The following SH3RF2 variants were observed in gnomAD, a reference collection of about 807,000 sequenced individuals.
The protein encoded by SH3RF2 is SH3 domain containing ring finger 2, also known as E3 ubiquitin-protein ligase SH3RF2.
In SH3RF2, 43 loss-of-function variants were observed where a neutral mutation model predicts 59.0. That is an observed-to-expected ratio of 0.73 (90% CI 0.57 to 0.94). SH3RF2 has a LOEUF of 0.94. SH3RF2 is among the 40% of genes least tolerant of loss of function. SH3RF2 has a pLI of 0.00. For synonymous variants in SH3RF2, 391 were observed against 391.5 expected, an observed-to-expected ratio of 1.00 and a Z score of 0.01; for missense variants, 930 against 940.1, an observed-to-expected ratio of 0.99 and a Z score of 0.14.
At chr5:145,967,840 A>T (rs2149959423) in intron 2 of SH3RF2, among the ~76,000 whole-genome samples, 1 of 152,140 alleles carries the variant, frequency 6.6e-6, no homozygotes. Flanking sequence ...TTATATTTTT[A>T]GTAGAGACAG....
chr5:146,026,864 G>A (rs1761546982), intron 5 of SH3RF2, among the ~76,000 whole-genome samples: 1 of 152,178 alleles, frequency 6.6e-6, no homozygotes, highest in Non-Finnish European at 1.5e-5. Flanking sequence ...TTCATAAGAT[G>A]GCTGCGAGGA....
intron 3 of SH3RF2, among the ~76,000 whole-genome samples, chr5:146,002,268 T>C (rs1048827600): frequency 6.6e-6 from 1 of 152,040 alleles, no homozygotes; most frequent in Non-Finnish European, 1.5e-5. Context: ...CTGGCCAACA[T>C]AGCGAAACCC....
chr5:146,049,127 C>G lies in SH3RF2; in HGVS notation c.1204C>G (p.Gln402Glu). ...SAHGPDELDL[Q>E]KGEGVRVLGK... ...CCATGGACCCGATGAGCTGGACCTG[C>G]AAAAGGGAGAAGGCGTCAGGGTCCT... Residue 402 changes from glutamine (Q) to glutamate (E), a missense_variant, in exon 7 of 10, where the codon CAA becomes GAA. Gln to Glu is a conservative substitution (Grantham distance 29). Transcript: ENST00000359120. 6.2e-7 allele frequency: 1 copy of G among 1,614,158 alleles called. No individual in the cohort carries two copies. Among genetic ancestry groups the G allele is most frequent in the Non-Finnish European group, 8.5e-7 (1 of 1,180,018 alleles).
At chr5:145,937,567 C>A (rs955469506) in intron 1 of SH3RF2, among the ~76,000 whole-genome samples, 5 of 152,108 alleles carry the variant, frequency 3.3e-5, no homozygotes, top group Non-Finnish European at 7.4e-5. Flanking sequence ...TTCAGCAGGC[C>A]AGTTTATCTC....
At chr5:145,964,312 C>CTTTCTTT (rs1554110981) in intron 2 of SH3RF2, among the ~76,000 whole-genome samples, 5 of 111,190 alleles carry the variant, frequency 4.5e-5, no homozygotes, top group Admixed American at 9.2e-5. Context: ...TCCTTTCTTT[C>CTTTCTTT]TTTTTTTTTT....
chr5:145,976,123 A>G (rs1759283939), intron 2 of SH3RF2, among the ~76,000 whole-genome samples: 1 of 152,234 alleles, frequency 6.6e-6, no homozygotes, highest in African/African-American at 2.4e-5. Flanking sequence ...AACAACTACA[A>G]TAGAGAAGCC....
rs375571249 is a variant in SH3RF2, at chr5:145,938,272, G to A, written c.344G>A (p.Arg115Gln). 18 of 1,583,788 alleles carry A rather than the reference G, an allele frequency of 1.1e-5. No homozygotes were observed. The South Asian group carries it at 1.3e-4, about 11-fold the overall frequency. ...AGACGTCTGCAGGCCAGTCCTTTCCGGCTAGTGCCTAATGTCAGAATCCAC... is the reference window on the plus strand; with the variant it reads ...AGACGTCTGCAGGCCAGTCCTTTCCAGCTAGTGCCTAATGTCAGAATCCAC... Reference protein sequence around the residue: ...NPRRLQASPFRLVPNVRIHMD... With the variant: ...NPRRLQASPFQLVPNVRIHMD... The change falls in exon 2 of 10, where the codon CGG becomes CAG. Residue 115 changes from arginine to glutamine, a missense_variant. Transcript: ENST00000359120.
chr5:146,021,197 G>C (rs982316182), intron 5 of SH3RF2, among the ~76,000 whole-genome samples: 6 of 151,672 alleles, frequency 4.0e-5, no homozygotes, highest in Non-Finnish European at 8.8e-5. Context: ...ATGAGAAATG[G>C]TTTACTTAGC....
chr5:146,023,434 C>T (rs2149999166), intron 5 of SH3RF2, among the ~76,000 whole-genome samples: 1 of 152,256 alleles, frequency 6.6e-6, no homozygotes, highest in Admixed American at 6.5e-5. Flanking sequence ...GTCTCAAACT[C>T]CTGGACTCAA....
At chr5:145,991,101 T>C (rs953763959) in intron 2 of SH3RF2, among the ~76,000 whole-genome samples, 2 of 152,124 alleles carry the variant, frequency 1.3e-5, no homozygotes, top group Non-Finnish European at 2.9e-5. Context: ...GAGCCCCAAA[T>C]GAGTTTTATG....
chr5:146,012,158 G>T (rs1474028745), intron 4 of SH3RF2, among the ~76,000 whole-genome samples: 2 of 152,126 alleles, frequency 1.3e-5, no homozygotes, highest in Non-Finnish European at 2.9e-5. Flanking sequence ...TTTGTCGCTG[G>T]TTCTGTTTAT....
downstream of SH3RF2, among the ~76,000 whole-genome samples, chr5:146,064,615 G>GAGAGA (rs1763007079): frequency 1.0e-5 from 1 of 99,946 alleles, no homozygotes; most frequent in African/African-American, 3.8e-5. Context: ...GAGAGAGAGA[G>GAGAGA]GGAGAGAGAG....
intron 7 of SH3RF2, among the ~76,000 whole-genome samples, chr5:146,052,732 G>T (rs930281293): frequency 2.0e-5 from 3 of 152,120 alleles, no homozygotes; most frequent in Non-Finnish European, 4.4e-5. Context: ...TCTGTGTGCA[G>T]GTGACCCTTG....
At chr5:145,990,946 T>A (rs1257359039) in intron 2 of SH3RF2, among the ~76,000 whole-genome samples, 2 of 152,166 alleles carry the variant, frequency 1.3e-5, no homozygotes, top group East Asian at 3.9e-4. Context: ...GAGAGAGCAG[T>A]GGGAGACTGG....
At chr5:146,035,515 G>C (rs1363847324) in intron 5 of SH3RF2, among the ~76,000 whole-genome samples, 11 of 152,122 alleles carry the variant, frequency 7.2e-5, no homozygotes, top group Admixed American at 1.3e-4. Flanking sequence ...AACTTGCCCA[G>C]GGTTACACGG....
intron 5 of SH3RF2, among the ~76,000 whole-genome samples, chr5:146,030,153 C>G (rs145572587): frequency 6.4e-4 from 97 of 152,286 alleles, no homozygotes; most frequent in South Asian, 4.8e-3. Flanking sequence ...GCTCAAGCTG[C>G]CTAACTGAGC....
At position 146,018,023 on chromosome 5, in the gene SH3RF2, G is replaced by A. The variant is rs540246491; in HGVS notation, c.1059+3962G>A. On this transcript the variant is annotated intron_variant, in intron 5 of 9. Coordinates refer to ENST00000359120, the MANE Select transcript of SH3RF2 (RefSeq NM_152550.4). ...TCAAAACTGTTCAGAGTAGGTATTG[G>A]TATGCTCATTTTACCAAACGGGAAA... Among the ~76,000 whole-genome samples the A allele has an allele frequency of 9.7e-4, 148 of 152,268 alleles. 1 individual carries two copies. Among genetic ancestry groups the A allele is most frequent in the Middle Eastern group, 3.4e-3 (1 of 294 alleles).
At chr5:145,964,327 GAC>G (rs1758777100) in intron 2 of SH3RF2, among the ~76,000 whole-genome samples, 5 of 40,086 alleles carry the variant, frequency 1.2e-4, no homozygotes, top group African/African-American at 4.6e-4. Flanking sequence ...TTTTTTTTTT[GAC>G]AGAGTCTTGC....
chr5:145,937,764 GGGA>G, intron 1 of SH3RF2, 56 bp from the exon 2 acceptor site: 2 of 755,128 alleles, frequency 2.6e-6, no homozygotes, highest in Admixed American at 4.9e-5. Flanking sequence ...CAATGTAGGT[GGGA>G]TATACCTCTC....
Sources: allele counts gnomAD v4.1 joint callset (sites outside exome capture counted in the v4.1 genomes callset), GRCh38; gene constraint gnomAD v4.1.1; transcripts MANE v1.5; gene names NCBI Gene and HGNC (gene_info 2026-07-23, HGNC 2026-07-21).